Variants in IL4R observed in about 807,000 individuals in gnomAD.
IL4R encodes interleukin-4 receptor subunit alpha.
Under a neutral mutation model 41.5 loss-of-function variants are expected in IL4R, and 17 were observed. The ratio of observed to expected loss-of-function variants is 0.41; its 90% CI spans 0.28 to 0.61. IL4R has a LOEUF of 0.61. Ranked by LOEUF, IL4R falls within the 20% of genes least tolerant of loss-of-function variation. The probability of loss-of-function intolerance (pLI) is 0.31; values close to 1 mark genes in which losing one functional copy is unlikely to be tolerated. For synonymous variants in IL4R, 402 were observed against 422.9 expected (o/e 0.95, Z 0.61); for missense variants, 974 against 1,043.1 (o/e 0.93, Z 0.91).
intron 6 of IL4R, among the ~76,000 whole-genome samples, chr16:27,349,504 CGGTAGACCAGGCAGAGGGAACTGCAT>C (rs1567326101): frequency 6.6e-6 from 1 of 151,976 alleles, no homozygotes; most frequent in Admixed American, 6.6e-5. Flanking sequence ...AAGAAGGGAA[CGGTAGACCAGGCAGAGGGAACTGCAT>C]GATAAAAGGT....
chr16:27,327,812 A>C (rs1483206831), intron 1 of IL4R, among the ~76,000 whole-genome samples: 1 of 152,126 alleles, frequency 6.6e-6, no homozygotes, highest in Non-Finnish European at 1.5e-5. Flanking sequence ...GGGAGAACCA[A>C]ATTGATTAAT....
At position 27,363,123 on chromosome 16, in the gene IL4R, G is replaced by A. The variant is rs756076107; in HGVS notation, c.1771G>A (p.Ala591Thr). Residue 591 changes from alanine to threonine, a missense_variant, in exon 11 of 11, where the codon GCG becomes ACG. By Grantham distance (58) the Ala-to-Thr change is moderately conservative (BLOSUM62 0). Transcript: ENST00000395762. ...AVEQGGTQASAVVGLGPPGEA... is the reference protein window; with the variant it reads ...AVEQGGTQASTVVGLGPPGEA... The stretch of plus-strand genomic sequence containing the variant: ...GGAGCAGGGTGGCACCCAGGCCAGT[G>A]CGGTGGTGGGCTTGGGTCCCCCAGG... 8 of 1,614,028 alleles carry A rather than the reference G, an allele frequency of 5.0e-6. No individual in the cohort carries two copies. The South Asian group carries it at 7.7e-5, about 16-fold the overall frequency.
Position 27,359,484 on chromosome 16 carries a change from T to G in IL4R, c.849+490T>G, listed in dbSNP as rs139863707. Among the ~76,000 whole-genome samples the G allele has an allele frequency of 5.5e-3, 841 of 152,286 alleles. 15 individuals are homozygous for G. Among genetic ancestry groups the G allele is most frequent in the African/African-American group, 0.019 (809 of 41,550 alleles). ...GTCAGCTTCCCCAAGGCGATGGTCC[T>G]GTGGGTGAGTGGGTGGGGTTTGCCT... is the stretch of plus-strand genomic sequence containing the variant. On this transcript the variant is annotated intron_variant, in intron 9 of 10. Transcript: ENST00000395762.
chr16:27,347,188 GTTTTTGTTGTTGT>G (rs1265777909), intron 6 of IL4R, among the ~76,000 whole-genome samples: 1 of 152,000 alleles, frequency 6.6e-6, no homozygotes, highest in Non-Finnish European at 1.5e-5. Flanking sequence ...TGTTGGTGGA[GTTTTTGTTGTTGT>G]TTGTTTTGAG....
Position 27,362,540 on chromosome 16 carries a change from G to A in IL4R, c.1188G>A (p.Gln396=), listed in dbSNP as rs200110537. ...CTGAGAGCAGCAGGGATGACTTCCAGGAGGGAAGGGAGGGCATTGTGGCCC... is the reference window on the plus strand; with the variant it reads ...CTGAGAGCAGCAGGGATGACTTCCAAGAGGGAAGGGAGGGCATTGTGGCCC... The part of the protein sequence containing the change: ...ASPESSRDDF[Q]EGREGIVARL... The change falls in exon 11 of 11, where the codon CAG becomes CAA. Residue 396 remains glutamine (Q), a synonymous_variant. Transcript: ENST00000395762. 161 of 1,614,210 alleles carry A rather than the reference G, an allele frequency of 1.0e-4. No homozygotes were observed. In the East Asian group the frequency reaches 2.3e-3, roughly 23 times the overall value.
In IL4R at chr16:27,327,508, G is replaced by A. The variant is rs143116975; in HGVS notation, c.-151-2558G>A. On this transcript the variant is annotated intron_variant, in intron 1 of 10. Coordinates refer to ENST00000395762, the MANE Select transcript of IL4R (RefSeq NM_000418.4). The stretch of plus-strand genomic sequence containing the variant: ...ATGCTTCTGCTCATTTCCTGGCTGC[G>A]GCCTTCACTGACTTTGCTGCTTCCT... Among the ~76,000 whole-genome samples, 27 of 152,262 alleles carry A rather than the reference G, an allele frequency of 1.8e-4. No homozygotes were observed. The East Asian group carries it at 4.2e-3, about 24-fold the overall frequency.
rs1435303012 is a variant in IL4R, at chr16:27,363,626, C to T, written c.2274C>T (p.Pro758=). ...CGDRSSPPTT[P]LRAPDPSPGG... is the part of the protein sequence containing the mutation. ...ACAGGTCCTCGCCCCCTACAACCCC[C>T]CTGAGGGCCCCAGACCCCTCTCCAG... The change falls in exon 11 of 11, where the codon CCC becomes CCT. Residue 758 remains proline (P), a synonymous_variant. Transcript: ENST00000395762. The T allele has an allele frequency of 6.2e-7, 1 of 1,613,820 alleles. No homozygotes were observed. Among genetic ancestry groups the T allele is most frequent in the Non-Finnish European group, 8.5e-7 (1 of 1,179,864 alleles).
chr16:27,344,757 G>A, intron 4 of IL4R, 112 bp from the exon 5 acceptor site: 1 of 1,135,046 alleles, frequency 8.8e-7, no homozygotes. Flanking sequence ...TCACATCCGT[G>A]ATCGGGAAGC....
chr16:27,343,471 G>A (rs1278447547), intron 4 of IL4R, among the ~76,000 whole-genome samples: 5 of 152,152 alleles, frequency 3.3e-5, no homozygotes, highest in Non-Finnish European at 7.3e-5. Flanking sequence ...TTGTTGCCCA[G>A]GCTGGAGTGC....
intron 1 of IL4R, among the ~76,000 whole-genome samples, chr16:27,329,488 C>T (rs2085053841): frequency 6.6e-6 from 1 of 151,826 alleles, no homozygotes; most frequent in Admixed American, 6.6e-5. Context: ...CCAGCCTGGC[C>T]AACATGGGGA....
Position 27,355,789 on chromosome 16 carries a change from C to T in IL4R, c.671-19C>T. On this transcript the variant is annotated intron_variant, in intron 7 of 10. Coordinates refer to ENST00000395762, the MANE Select transcript of IL4R (RefSeq NM_000418.4). ...TACCATGGCTGACCTCAGCTCATGG[C>T]TTCCCCTCCCACTTCCAGCCTACAG... 6.3e-7 allele frequency: 1 copy of T among 1,582,784 alleles called. No homozygotes were observed. Among genetic ancestry groups the T allele is most frequent in the East Asian group, 2.2e-5 (1 of 44,718 alleles).
At chr16:27,323,637 A>C (rs549442251) in intron 1 of IL4R, among the ~76,000 whole-genome samples, 1 of 151,548 alleles carries the variant, frequency 6.6e-6, no homozygotes, top group East Asian at 1.9e-4. Context: ...TGGTTAAGTG[A>C]GTGAGTGAGG....
intron 2 of IL4R, among the ~76,000 whole-genome samples, chr16:27,330,932 G>A: frequency 6.6e-6 from 1 of 151,996 alleles, no homozygotes; most frequent in East Asian, 1.9e-4. Context: ...TAGGAGCCAG[G>A]GGGCATTGGA....
At chr16:27,344,390 G>A (rs2085554264) in intron 4 of IL4R, among the ~76,000 whole-genome samples, 1 of 147,336 alleles carries the variant, frequency 6.8e-6, no homozygotes, top group African/African-American at 2.5e-5. Context: ...AAAGGAAATT[G>A]TGTGGCCTTT....
At chr16:27,351,163 T>G (rs746406642) in intron 6 of IL4R, among the ~76,000 whole-genome samples, 2 of 152,188 alleles carry the variant, frequency 1.3e-5, no homozygotes, top group Non-Finnish European at 2.9e-5. Flanking sequence ...CATACAATAT[T>G]GGTGACATTC....
rs374787378 is a variant in IL4R, at chr16:27,346,453, C to A, written c.362-14C>A. 1 of 1,613,818 alleles carries A rather than the reference C, an allele frequency of 6.2e-7. No homozygotes were observed. Among genetic ancestry groups the A allele is most frequent in the Non-Finnish European group, 8.5e-7 (1 of 1,179,876 alleles). On this transcript the variant is annotated splice_polypyrimidine_tract_variant and intron_variant, in intron 5 of 10. Transcript: ENST00000395762. ...ACTGCATAGATCCTCACATAGAGGC[C>A]GCTTCTCCCGCAGTGAAACCCAGGG...
intron 2 of IL4R, among the ~76,000 whole-genome samples, chr16:27,331,436 A>C (rs896544169): frequency 5.9e-5 from 9 of 152,130 alleles, no homozygotes; most frequent in African/African-American, 2.2e-4. Context: ...AATATTACCT[A>C]TTTCATAGAT....
intron 10 of IL4R, among the ~76,000 whole-genome samples, chr16:27,361,777 CT>C (rs907442818): frequency 1.3e-4 from 19 of 151,742 alleles, no homozygotes; most frequent in African/African-American, 4.6e-4. Flanking sequence ...GCTAATTTTC[CT>C]TTTTTTTAAT....
At chr16:27,326,951 G>C (rs2084972202) in intron 1 of IL4R, among the ~76,000 whole-genome samples, 1 of 152,152 alleles carries the variant, frequency 6.6e-6, no homozygotes, top group South Asian at 2.1e-4. Flanking sequence ...CCAGTTCTAG[G>C]TAGGTTACTG....
Sources: gnomAD v4.1 joint callset for allele counts (sites outside exome capture counted in the v4.1 genomes callset) on GRCh38, gnomAD v4.1.1 for gene constraint, MANE v1.5 for transcripts, NCBI Gene and HGNC (gene_info 2026-07-23, HGNC 2026-07-21) for gene names.